Variants in PPARGC1A observed in about 807,000 individuals in gnomAD.
PPARGC1A encodes PPARG coactivator 1 alpha.
PPARGC1A carries 25 observed loss-of-function variants against 88.7 expected under a neutral mutation model. That is an observed-to-expected ratio of 0.28 (90% CI 0.21 to 0.39). The LOEUF is 0.39. Among genes scored for constraint, PPARGC1A ranks in the 10% least tolerant of loss-of-function variants. PPARGC1A has a pLI of 1.00. For missense variants in PPARGC1A, 880 were observed against 968.7 expected (o/e 0.91, Z 1.22); for synonymous variants, 363 against 355.6 (o/e 1.02, Z -0.24).
chr4:23,928,770 C>CAAAAAAAAAAAAAAAAAAAAA, the PPARGC1A span, among the ~76,000 whole-genome samples: 1 of 136,214 alleles, frequency 7.3e-6, no homozygotes, highest in African/African-American at 2.7e-5. Context: ...ACAAAAAAAA[C>CAAAAAAAAAAAAAAAAAAAAA]AAAAAAAAAC....
the PPARGC1A span, among the ~76,000 whole-genome samples, chr4:24,276,837 A>G: frequency 6.6e-6 from 1 of 152,230 alleles, no homozygotes; most frequent in African/African-American, 2.4e-5. Flanking sequence ...ATAAAAGGGA[A>G]GTATGGAGCA....
chr4:24,282,597 C>T, the PPARGC1A span, among the ~76,000 whole-genome samples: 1 of 152,230 alleles, frequency 6.6e-6, no homozygotes, highest in African/African-American at 2.4e-5. Flanking sequence ...CAGCTCTGAA[C>T]ATTTCTTACT....
chr4:24,065,305 C>T, the PPARGC1A span, among the ~76,000 whole-genome samples: 10 of 152,158 alleles, frequency 6.6e-5, no homozygotes, highest in African/African-American at 9.6e-5. Context: ...CAGGCATTAG[C>T]GGGTCCCTTC....
chr4:24,269,232 A>G, the PPARGC1A span, among the ~76,000 whole-genome samples: 1 of 152,144 alleles, frequency 6.6e-6, no homozygotes, highest in Admixed American at 6.5e-5. Context: ...AATTTAATGA[A>G]TTTTGACGAC....
the PPARGC1A span, among the ~76,000 whole-genome samples, chr4:24,213,989 A>T: frequency 9.2e-5 from 14 of 152,270 alleles, no homozygotes; most frequent in African/African-American, 3.1e-4. Context: ...ATGAGACTCA[A>T]CATAAAGCGA....
the PPARGC1A span, among the ~76,000 whole-genome samples, chr4:24,086,609 C>T: frequency 2.4e-4 from 36 of 152,276 alleles, 3 homozygotes; most frequent in East Asian, 2.3e-3. Context: ...AATGACCTGC[C>T]GTGCTCTCCC....
the PPARGC1A span, among the ~76,000 whole-genome samples, chr4:24,246,636 TTAAA>T: frequency 5.9e-5 from 9 of 152,156 alleles, no homozygotes; most frequent in East Asian, 1.9e-4. Flanking sequence ...ATGAATTTAA[TTAAA>T]TAAATAAATA....
the PPARGC1A span, among the ~76,000 whole-genome samples, chr4:23,995,995 T>C: frequency 6.6e-6 from 1 of 152,180 alleles, no homozygotes; most frequent in Non-Finnish European, 1.5e-5. Context: ...TTCTCAACAG[T>C]GCAAAGAATG....
chr4:24,443,246 A>G, the PPARGC1A span, among the ~76,000 whole-genome samples: 1 of 115,708 alleles, frequency 8.6e-6, no homozygotes, highest in Non-Finnish European at 1.7e-5. Flanking sequence ...AGTTTGAAAA[A>G]TGTATGGGTT....
At chr4:24,240,721 C>T in the PPARGC1A span, among the ~76,000 whole-genome samples, 1 of 152,134 alleles carries the variant, frequency 6.6e-6, no homozygotes, top group Non-Finnish European at 1.5e-5. Context: ...GTAGTTCAAA[C>T]AGAGGTAGTT....
chr4:23,985,770 C>T, the PPARGC1A span, among the ~76,000 whole-genome samples: 2 of 151,988 alleles, frequency 1.3e-5, no homozygotes, highest in Admixed American at 1.3e-4. Context: ...ATTTACATAT[C>T]TTTATAATGG....
upstream of PPARGC1A, among the ~76,000 whole-genome samples, chr4:23,902,725 A>AT (rs1180731939): frequency 1.3e-5 from 2 of 151,020 alleles, no homozygotes; most frequent in African/African-American, 4.9e-5. Context: ...GACTAGAAGC[A>AT]TTTTTCAGAG....
chr4:24,044,333 G>A, the PPARGC1A span, among the ~76,000 whole-genome samples: 7 of 152,228 alleles, frequency 4.6e-5, no homozygotes, highest in African/African-American at 1.4e-4. Context: ...TTGAGGGTCC[G>A]ATTCTAATCT....
At chr4:24,458,104 A>G in the PPARGC1A span, among the ~76,000 whole-genome samples, 1 of 152,354 alleles carries the variant, frequency 6.6e-6, no homozygotes, top group South Asian at 2.1e-4. Context: ...AAGAATTTGC[A>G]AAAACTAAAG....
the PPARGC1A span, among the ~76,000 whole-genome samples, chr4:24,115,064 A>C: frequency 1.3e-5 from 2 of 152,212 alleles, no homozygotes; most frequent in Non-Finnish European, 2.9e-5. Context: ...TTTTGAATCC[A>C]GCATACCTTC....
the PPARGC1A span, among the ~76,000 whole-genome samples, chr4:24,324,935 C>T: frequency 5.0e-3 from 759 of 152,224 alleles, 19 homozygotes; most frequent in East Asian, 0.066. Flanking sequence ...CCTCAGCCTC[C>T]GCTCCTCCAC....
the PPARGC1A span, among the ~76,000 whole-genome samples, chr4:24,094,307 T>C: frequency 6.6e-6 from 1 of 152,208 alleles, no homozygotes; most frequent in Non-Finnish European, 1.5e-5. Flanking sequence ...TTCAGAGTTG[T>C]TCTGAAAATT....
At chr4:23,887,304 T>G (rs892140273) in intron 1 of PPARGC1A, among the ~76,000 whole-genome samples, 1 of 152,238 alleles carries the variant, frequency 6.6e-6, no homozygotes, top group African/African-American at 2.4e-5. Context: ...CTTCTGAATG[T>G]GGCATTATCC....
chr4:24,001,668 C>A, the PPARGC1A span, among the ~76,000 whole-genome samples: 1 of 151,836 alleles, frequency 6.6e-6, no homozygotes, highest in Non-Finnish European at 1.5e-5. Flanking sequence ...TGTGAAGGGG[C>A]GAAGGTGGGG....
Sources: gnomAD v4.1 joint callset for allele counts (sites outside exome capture counted in the v4.1 genomes callset) on GRCh38, gnomAD v4.1.1 for gene constraint, MANE v1.5 for transcripts, NCBI Gene and HGNC (gene_info 2026-07-23, HGNC 2026-07-21) for gene names.